WWOX: variants seen among roughly 807,000 people sequenced by gnomAD.
WWOX encodes the protein WW domain containing oxidoreductase, also known as WW domain-containing oxidoreductase.
In WWOX, 69 loss-of-function variants were observed where a neutral mutation model predicts 46.2. That is an observed-to-expected ratio of 1.49 (90% CI 1.23 to 1.82). The LOEUF is 1.82. WWOX is among the 40% of genes most tolerant of loss of function. WWOX has a pLI of 0.00. For synonymous variants in WWOX, 359 were observed against 202.6 expected, an observed-to-expected ratio of 1.77 and a Z score of -6.56; for missense variants, 919 against 542.6, an observed-to-expected ratio of 1.69 and a Z score of -6.89.
At chr16:78,422,730 T>C (rs190748859) in intron 6 of WWOX, among the ~76,000 whole-genome samples, 2,755 of 92,944 alleles carry the variant, frequency 0.03, 420 homozygotes, top group African/African-American at 0.16. Flanking sequence ...CATATATATA[T>C]ACACACACAT....
At chr16:78,988,431 A>G (rs1359454821) in intron 8 of WWOX, among the ~76,000 whole-genome samples, 1 of 151,816 alleles carries the variant, frequency 6.6e-6, no homozygotes, top group East Asian at 1.9e-4. Context: ...TTGGCCAAGG[A>G]GAGGGAGCAG....
chr16:78,339,385 C>T (rs1381619389), intron 5 of WWOX, among the ~76,000 whole-genome samples: 1 of 112,420 alleles, frequency 8.9e-6, no homozygotes, highest in Non-Finnish European at 2.1e-5. Flanking sequence ...AAAAAAACAA[C>T]TCCCCTGGAG....
intron 8 of WWOX, among the ~76,000 whole-genome samples, chr16:78,962,626 G>C (rs1276553943): frequency 6.6e-6 from 1 of 152,162 alleles, no homozygotes; most frequent in Admixed American, 6.5e-5. Context: ...GAAAATGTGA[G>C]CTGCTTGCAT....
intron 5 of WWOX, among the ~76,000 whole-genome samples, chr16:78,267,961 G>T (rs889686415): frequency 2.6e-5 from 4 of 152,060 alleles, no homozygotes; most frequent in Non-Finnish European, 5.9e-5. Flanking sequence ...GGGACTATAG[G>T]TGCGTGCCCC....
intron 8 of WWOX, among the ~76,000 whole-genome samples, chr16:79,184,781 G>C (rs900230900): frequency 3.3e-5 from 5 of 152,166 alleles, no homozygotes; most frequent in African/African-American, 1.2e-4. Context: ...TGGCAATTTG[G>C]GTTGTTAATT....
rs560145556 is a variant in WWOX, at chr16:78,358,234, G to T, written c.517-28626G>T. On this transcript the variant is annotated intron_variant, in intron 5 of 8. Coordinates refer to ENST00000566780, the MANE Select transcript of WWOX (RefSeq NM_016373.4). Reference sequence around the variant, plus strand: ...GTATTTACAAAAAAAAGAAGAAAAAGTGCTGTCATCAGTAAATTCATTCAT... The same window carrying T: ...GTATTTACAAAAAAAAGAAGAAAAATTGCTGTCATCAGTAAATTCATTCAT... Among the ~76,000 whole-genome samples, 13 of 152,250 alleles carry T rather than the reference G, an allele frequency of 8.5e-5. No individual in the cohort carries two copies. In the South Asian group the frequency reaches 2.5e-3, roughly 29 times the overall value.
At chr16:78,104,418 C>T (rs1272467679) in intron 1 of WWOX, among the ~76,000 whole-genome samples, 1 of 152,094 alleles carries the variant, frequency 6.6e-6, no homozygotes, top group East Asian at 1.9e-4. Context: ...GTGGGAGGAT[C>T]GCCTGAGCCC....
chr16:78,792,372 G>GA (rs2050629147), intron 8 of WWOX, among the ~76,000 whole-genome samples: 1 of 151,994 alleles, frequency 6.6e-6, no homozygotes. Context: ...GGTAGAAACA[G>GA]AAAAAAACAG....
chr16:78,218,109 C>T (rs1479226360), intron 5 of WWOX, among the ~76,000 whole-genome samples: 1 of 152,030 alleles, frequency 6.6e-6, no homozygotes, highest in Non-Finnish European at 1.5e-5. Context: ...GGCTAGAATG[C>T]AGTGGTGCAA....
At chr16:78,212,591 T>C (rs1361439489) in intron 5 of WWOX, among the ~76,000 whole-genome samples, 1 of 152,150 alleles carries the variant, frequency 6.6e-6, no homozygotes. Flanking sequence ...CATGACAAGG[T>C]GGTGAGAAAC....
intron 8 of WWOX, among the ~76,000 whole-genome samples, chr16:78,944,097 G>C (rs1313716478): frequency 2.0e-5 from 3 of 152,200 alleles, no homozygotes. Context: ...TTGTTTGTTT[G>C]TTTGTTTGGG....
At chr16:78,688,482 T>G (rs1440558528) in intron 8 of WWOX, among the ~76,000 whole-genome samples, 1 of 152,104 alleles carries the variant, frequency 6.6e-6, no homozygotes, top group Non-Finnish European at 1.5e-5. Flanking sequence ...CCCACCATAT[T>G]GAGAGAATAG....
At chr16:78,783,444 C>G (rs1260059561) in intron 8 of WWOX, among the ~76,000 whole-genome samples, 3 of 152,146 alleles carry the variant, frequency 2.0e-5, no homozygotes, top group Admixed American at 2.0e-4. Context: ...ACCCACAACT[C>G]AGCTTTATTT....
At chr16:78,497,876 C>T (rs2084955848) in intron 8 of WWOX, among the ~76,000 whole-genome samples, 1 of 151,400 alleles carries the variant, frequency 6.6e-6, no homozygotes, top group African/African-American at 2.4e-5. Flanking sequence ...ATTAAAAAAG[C>T]CCACATTTTA....
intron 8 of WWOX, among the ~76,000 whole-genome samples, chr16:78,542,163 A>C (rs1225304171): frequency 9.5e-6 from 1 of 105,424 alleles, no homozygotes; most frequent in Non-Finnish European, 2.3e-5. Flanking sequence ...TCAGGATTTG[A>C]AATGTTAAGC....
intron 8 of WWOX, among the ~76,000 whole-genome samples, chr16:78,930,448 ATTTTTTTTTT>A (rs71140847): frequency 9.4e-6 from 1 of 106,576 alleles, no homozygotes; most frequent in Admixed American, 1.1e-4. Flanking sequence ...CAGCTAGCTA[ATTTTTTTTTT>A]TTTTTTTTTT....
chr16:78,544,190 A>C (rs1021145860), intron 8 of WWOX, among the ~76,000 whole-genome samples: 6 of 152,202 alleles, frequency 3.9e-5, no homozygotes, highest in Non-Finnish European at 8.8e-5. Flanking sequence ...TTTGAGAGCA[A>C]ATATTTTGGT....
intron 5 of WWOX, among the ~76,000 whole-genome samples, chr16:78,358,127 T>G (rs1033842884): frequency 2.0e-5 from 3 of 152,176 alleles, no homozygotes; most frequent in African/African-American, 7.2e-5. Context: ...GTAAAATGTT[T>G]AATAACACAG....
intron 8 of WWOX, among the ~76,000 whole-genome samples, chr16:78,590,186 AAAAT>A (rs1168779678): frequency 7.1e-6 from 1 of 141,682 alleles, no homozygotes; most frequent in Non-Finnish European, 1.5e-5. Context: ...TAGAAATAAA[AAAAT>A]TATAAATAGA....
Sources: allele counts gnomAD v4.1 joint callset (sites outside exome capture counted in the v4.1 genomes callset), GRCh38; gene constraint gnomAD v4.1.1; transcripts MANE v1.5; gene names NCBI Gene and HGNC (gene_info 2026-07-23, HGNC 2026-07-21).